The following THSD4 variants were observed in gnomAD, a reference collection of about 807,000 sequenced individuals.
The protein encoded by THSD4 is thrombospondin type 1 domain containing 4.
A neutral mutation model predicts 119.0 loss-of-function variants in THSD4; 69 were observed. The ratio of observed to expected loss-of-function variants is 0.58; its 90% CI spans 0.48 to 0.71. The LOEUF (loss-of-function observed/expected upper bound fraction) is 0.71, where lower values mean the gene tolerates loss of function less well. Ranked by LOEUF, THSD4 falls within the 30% of genes least tolerant of loss-of-function variation. THSD4 has a pLI of 0.00. For synonymous variants in THSD4, 524 were observed against 540.4 expected (o/e 0.97, Z 0.42); for missense variants, 1,393 against 1,391.1 (o/e 1.00, Z -0.02).
At chr15:71,222,697 C>T (rs2043984518) in intron 4 of THSD4, among the ~76,000 whole-genome samples, 1 of 152,160 alleles carries the variant, frequency 6.6e-6, no homozygotes. Flanking sequence ...AGCTGATTTC[C>T]TGTTGGGAAG....
intron 7 of THSD4, among the ~76,000 whole-genome samples, chr15:71,428,632 A>G (rs903314224): frequency 6.6e-6 from 1 of 152,240 alleles, no homozygotes; most frequent in Non-Finnish European, 1.5e-5. Context: ...GAAAAGACTT[A>G]GAAAAATAGG....
intron 1 of THSD4, among the ~76,000 whole-genome samples, chr15:71,131,607 C>T (rs531820990): frequency 1.2e-3 from 176 of 152,250 alleles, no homozygotes; most frequent in African/African-American, 4.0e-3. Context: ...CCAATAATCA[C>T]AGGAGTACAT....
At chr15:71,481,044 T>C (rs2047723214) in intron 7 of THSD4, among the ~76,000 whole-genome samples, 1 of 152,154 alleles carries the variant, frequency 6.6e-6, no homozygotes, top group Admixed American at 6.5e-5. Flanking sequence ...TTAGACTTGT[T>C]TAAAAACAGA....
intron 8 of THSD4, among the ~76,000 whole-genome samples, chr15:71,702,212 T>C (rs2052305474): frequency 6.6e-6 from 1 of 152,160 alleles, no homozygotes; most frequent in Non-Finnish European, 1.5e-5. Context: ...CACTGGACCC[T>C]GCAGCCTGGA....
intron 6 of THSD4, among the ~76,000 whole-genome samples, chr15:71,375,252 CAT>C (rs1448241071): frequency 1.3e-5 from 2 of 152,192 alleles, no homozygotes; most frequent in Non-Finnish European, 2.9e-5. Flanking sequence ...CATGTGGACA[CAT>C]ATGTGTGCGA....
chr15:71,257,203 C>G (rs2044328300), intron 6 of THSD4, among the ~76,000 whole-genome samples: 1 of 152,160 alleles, frequency 6.6e-6, no homozygotes, highest in Admixed American at 6.5e-5. Flanking sequence ...CCCGTGAGTA[C>G]AAGATCCCCG....
At chr15:71,145,122 C>G (rs2040644384) in intron 2 of THSD4, among the ~76,000 whole-genome samples, 1 of 152,012 alleles carries the variant, frequency 6.6e-6, no homozygotes. Context: ...GGCTACCTGA[C>G]CTGGCCAGCC....
chr15:71,335,541 A>G (rs541220918), intron 6 of THSD4, among the ~76,000 whole-genome samples: 3 of 152,280 alleles, frequency 2.0e-5, no homozygotes, highest in African/African-American at 7.2e-5. Flanking sequence ...TTTCAGACCC[A>G]GAGAAAAAGG....
intron 3 of THSD4, among the ~76,000 whole-genome samples, chr15:71,202,278 C>T (rs2043810213): frequency 6.6e-6 from 1 of 152,188 alleles, no homozygotes; most frequent in Non-Finnish European, 1.5e-5. Context: ...GTTTACCTTT[C>T]TCTCTGTAGA....
At chr15:71,736,666 T>C (rs1478071115) in intron 10 of THSD4, among the ~76,000 whole-genome samples, 2 of 152,106 alleles carry the variant, frequency 1.3e-5, no homozygotes, top group Non-Finnish European at 2.9e-5. Context: ...TCTGCCACTG[T>C]CTCTCTCTCC....
chr15:71,491,627 T>TG (rs2140700526), intron 7 of THSD4, among the ~76,000 whole-genome samples: 1 of 152,244 alleles, frequency 6.6e-6, no homozygotes, highest in Admixed American at 6.5e-5. Context: ...ATCCCAACAC[T>TG]TTAGGGGGCC....
intron 4 of THSD4, among the ~76,000 whole-genome samples, chr15:71,236,101 G>A (rs1009351539): frequency 3.9e-5 from 6 of 152,170 alleles, no homozygotes; most frequent in Non-Finnish European, 8.8e-5. Context: ...GGCCCGTGTG[G>A]GGTTCATGTT....
intron 7 of THSD4, among the ~76,000 whole-genome samples, chr15:71,469,713 T>C (rs1566995576): frequency 6.6e-6 from 1 of 152,220 alleles, no homozygotes; most frequent in Non-Finnish European, 1.5e-5. Flanking sequence ...AATTTCAGTC[T>C]GGTGATCTCC....
intron 7 of THSD4, among the ~76,000 whole-genome samples, chr15:71,427,166 T>TATATTAA (rs1356587745): frequency 5.3e-5 from 8 of 151,672 alleles, no homozygotes; most frequent in Admixed American, 2.0e-4. Flanking sequence ...TTTCTTTATA[T>TATATTAA]ATATTAAATA....
chr15:71,098,688 G>A (rs1168663277), intron 1 of THSD4, among the ~76,000 whole-genome samples: 1 of 152,172 alleles, frequency 6.6e-6, no homozygotes, highest in Non-Finnish European at 1.5e-5. Flanking sequence ...GAATTATGTT[G>A]ACTGCCTGGG....
At chr15:71,136,284 C>G (rs1196076174) in intron 1 of THSD4, among the ~76,000 whole-genome samples, 1 of 152,058 alleles carries the variant, frequency 6.6e-6, no homozygotes, top group East Asian at 1.9e-4. Flanking sequence ...ATGCTTTTAT[C>G]CACCACCACC....
At chr15:71,472,549 C>T (rs949125193) in intron 7 of THSD4, among the ~76,000 whole-genome samples, 15 of 152,174 alleles carry the variant, frequency 9.9e-5, no homozygotes, top group Non-Finnish European at 1.6e-4. Context: ...GATTTCTTTG[C>T]TCTTCTTAGA....
chr15:71,138,877 AGT>A (rs111389138), intron 1 of THSD4, among the ~76,000 whole-genome samples: 53 of 149,760 alleles, frequency 3.5e-4, no homozygotes, highest in Admixed American at 8.7e-4. Context: ...TGTGTGTGTG[AGT>A]GTGTGTGTGT....
chr15:71,657,850 A>G (rs2051221727), intron 7 of THSD4, among the ~76,000 whole-genome samples: 1 of 152,174 alleles, frequency 6.6e-6, no homozygotes, highest in Non-Finnish European at 1.5e-5. Context: ...AACTGTGCAG[A>G]GCATTTTCAT....
Sources: gnomAD v4.1 joint callset for allele counts (sites outside exome capture counted in the v4.1 genomes callset) on GRCh38, gnomAD v4.1.1 for gene constraint, MANE v1.5 for transcripts, NCBI Gene and HGNC (gene_info 2026-07-23, HGNC 2026-07-21) for gene names.